Variants in SVOPL observed in about 807,000 individuals in gnomAD.
SVOPL encodes the protein SVOP like, also known as putative transporter SVOPL.
A neutral mutation model predicts 61.0 loss-of-function variants in SVOPL; 60 were observed. The observed-to-expected ratio is 0.98, with a 90% CI of 0.80 to 1.22. The LOEUF (loss-of-function observed/expected upper bound fraction) is 1.22, where lower values mean the gene tolerates loss of function less well. SVOPL is among the 50% of genes most tolerant of loss of function. The pLI, the probability that SVOPL is intolerant of heterozygous loss-of-function variation, is 0.00. For missense variants in SVOPL, 662 were observed against 643.9 expected (o/e 1.03, Z -0.30); for synonymous variants, 279 against 250.0 (o/e 1.12, Z -1.09).
At chr7:138,695,403 C>G (rs1459903109) in intron 1 of SVOPL, among the ~76,000 whole-genome samples, 1 of 152,076 alleles carries the variant, frequency 6.6e-6, no homozygotes, top group Non-Finnish European at 1.5e-5. Flanking sequence ...TCCTCGCTAC[C>G]TGGGAGGCTG....
chr7:138,600,229 T>C (rs971230568), intron 14 of SVOPL, among the ~76,000 whole-genome samples: 2 of 152,180 alleles, frequency 1.3e-5, no homozygotes, highest in Non-Finnish European at 2.9e-5. Flanking sequence ...CTGCTCAAAT[T>C]GATTAATAAT....
At chr7:138,612,424 T>TAAAAAAAAAAAAAAAAAAAAAAAAAAAA (rs1281500368) in intron 14 of SVOPL, among the ~76,000 whole-genome samples, 1 of 41,198 alleles carries the variant, frequency 2.4e-5, no homozygotes, top group Non-Finnish European at 5.2e-5. Flanking sequence ...AAAAAAAAAA[T>TAAAAAAAAAAAAAAAAAAAAAAAAAAAA]AAAATAAAAA....
chr7:138,680,936 A>T (rs1349512224), intron 1 of SVOPL, among the ~76,000 whole-genome samples: 4 of 152,048 alleles, frequency 2.6e-5, no homozygotes, highest in African/African-American at 9.7e-5. Context: ...TCCTAGTGGG[A>T]TAAACAGAAA....
At chr7:138,634,517 G>A (rs1463349154) in intron 9 of SVOPL, among the ~76,000 whole-genome samples, 1 of 151,462 alleles carries the variant, frequency 6.6e-6, no homozygotes, top group Non-Finnish European at 1.5e-5. Flanking sequence ...GTGTGGTGGT[G>A]TGCACCTATA....
At position 138,628,305 on chromosome 7, in the gene SVOPL, G is replaced by T. The variant is rs767816908; in HGVS notation, c.922C>A (p.Arg308=). ...GACTTTGAACCACAGACCAAGTCCC[G>T]CTCCAGCAGCTCAGCACTGGCCAGG... ...VILASAELLE[R]DLVCGSKSDS... Residue 308 remains arginine, a synonymous_variant, in exon 11 of 16, where the codon CGG becomes AGG. Coordinates refer to ENST00000674285, the MANE Select transcript of SVOPL (RefSeq NM_001139456.2). 6.2e-7 allele frequency: 1 copy of T among 1,613,988 alleles called. No individual in the cohort carries two copies. The highest frequency in any genetic ancestry group is 2.2e-5 in the East Asian group (1 of 44,900).
chr7:138,657,166 A>ATTTATTTG (rs1801788078), intron 6 of SVOPL, among the ~76,000 whole-genome samples: 1 of 130,930 alleles, frequency 7.6e-6, no homozygotes, highest in African/African-American at 3.2e-5. Flanking sequence ...TTATTTATTT[A>ATTTATTTG]TTTATTTTAG....
At chr7:138,674,200 TAC>T (rs35935791) in intron 3 of SVOPL, among the ~76,000 whole-genome samples, 66,600 of 149,166 alleles carry the variant, frequency 0.45, 15,616 homozygotes, top group African/African-American at 0.57. Flanking sequence ...AGAAAACACA[TAC>T]ACACACACAC....
intron 1 of SVOPL, chr7:138,689,544 T>G: frequency 1.3e-5 from 7 of 541,946 alleles, no homozygotes; most frequent in Non-Finnish European, 2.3e-5. Flanking sequence ...TTAAAATAAA[T>G]GAAATTAAAA....
intron 7 of SVOPL, among the ~76,000 whole-genome samples, chr7:138,651,282 T>C (rs1230086405): frequency 6.6e-6 from 1 of 152,204 alleles, no homozygotes; most frequent in African/African-American, 2.4e-5. Flanking sequence ...GTGTTCTAAA[T>C]GCTATTGGAT....
intron 1 of SVOPL, among the ~76,000 whole-genome samples, chr7:138,691,852 T>G (rs968015508): frequency 2.6e-5 from 4 of 152,010 alleles, no homozygotes; most frequent in African/African-American, 9.7e-5. Context: ...AAGTTTTTAT[T>G]TATTTTAATT....
At chr7:138,695,676 C>T (rs1268527723) in intron 1 of SVOPL, among the ~76,000 whole-genome samples, 4 of 151,778 alleles carry the variant, frequency 2.6e-5, no homozygotes, top group African/African-American at 9.7e-5. Flanking sequence ...AGTAGTTGAC[C>T]AAGAGAAAAA....
At chr7:138,613,444 C>T (rs1198434140) in intron 14 of SVOPL, among the ~76,000 whole-genome samples, 1 of 152,178 alleles carries the variant, frequency 6.6e-6, no homozygotes, top group Admixed American at 6.5e-5. Flanking sequence ...GCACATTCTG[C>T]CCCTGCACTT....
At chr7:138,688,997 T>C in intron 1 of SVOPL, 5 of 663,462 alleles carry the variant, frequency 7.5e-6, no homozygotes, top group Non-Finnish European at 1.1e-5. Context: ...GCTATTCACT[T>C]GACCCAGAGA....
At chr7:138,655,870 G>A (rs1247616431) in intron 7 of SVOPL, among the ~76,000 whole-genome samples, 1 of 152,122 alleles carries the variant, frequency 6.6e-6, no homozygotes, top group East Asian at 1.9e-4. Context: ...AAAGAATTTA[G>A]AATATTCATA....
intron 1 of SVOPL, among the ~76,000 whole-genome samples, chr7:138,687,228 CTTTTTTTTTTT>C (rs71179722): frequency 2.6e-5 from 2 of 77,042 alleles, no homozygotes; most frequent in South Asian, 5.2e-4. Flanking sequence ...CTTTTTTCCT[CTTTTTTTTTTT>C]TTTTTTTTTT....
At chr7:138,641,802 A>AATATATATATGTTAT (rs1318702024) in intron 9 of SVOPL, among the ~76,000 whole-genome samples, 1 of 91,820 alleles carries the variant, frequency 1.1e-5, no homozygotes, top group African/African-American at 3.9e-5. Context: ...AGACGTATCA[A>AATATATATATGTTAT]ATATATATAT....
rs146385066 is a variant in SVOPL, at chr7:138,651,707, C to T, written c.535-2570G>A. On this transcript the variant is annotated intron_variant, in intron 7 of 15. Coordinates refer to ENST00000674285, the MANE Select transcript of SVOPL (RefSeq NM_001139456.2). ...CAATTATTTTCATTGTTTGGGGGCA[C>T]CGCAAACTGCACCTGTATAAGATAT... Among the ~76,000 whole-genome samples the T allele has an allele frequency of 5.4e-3, 822 of 152,204 alleles. 3 individuals carry two copies. Among genetic ancestry groups the T allele is most frequent in the African/African-American group, 0.018 (744 of 41,518 alleles).
In SVOPL at chr7:138,631,960, T is replaced by TCTCACACACACACACACACACACA. The variant is rs935815206; in HGVS notation, c.790-1839_790-1838insTGTGTGTGTGTGTGTGTGTGTGAG. 2.0e-3 allele frequency among the ~76,000 whole-genome samples: 288 copies of TCTCACACACACACACACACACACA among 147,052 alleles called. 1 individual carries two copies. The highest frequency in any genetic ancestry group is 7.1e-3 in the African/African-American group (280 of 39,418). On this transcript the variant is annotated intron_variant, in intron 9 of 15. Coordinates refer to ENST00000674285, the MANE Select transcript of SVOPL (RefSeq NM_001139456.2). ...TGGCTCAGTCCCTTCTGCTCTGATA[T>TCTCACACACACACACACACACACA]CACACACACACACACACACACACAT...
chr7:138,685,316 A>G (rs1482477845), intron 1 of SVOPL, among the ~76,000 whole-genome samples: 1 of 152,184 alleles, frequency 6.6e-6, no homozygotes, highest in Non-Finnish European at 1.5e-5. Context: ...CACGATGCTA[A>G]ATTAAACAAG....
Sources: gnomAD v4.1 joint callset for allele counts (sites outside exome capture counted in the v4.1 genomes callset) on GRCh38, gnomAD v4.1.1 for gene constraint, MANE v1.5 for transcripts, NCBI Gene and HGNC (gene_info 2026-07-23, HGNC 2026-07-21) for gene names.